The following MCC variants were observed in gnomAD, a reference collection of about 807,000 sequenced individuals.
The protein encoded by MCC is MCC regulator of Wnt signaling pathway.
Under a neutral mutation model 116.2 loss-of-function variants are expected in MCC, and 90 were observed. The observed-to-expected ratio is 0.77, with a 90% CI of 0.65 to 0.92. The LOEUF is 0.92. Among genes scored for constraint, MCC ranks in the 40% least tolerant of loss-of-function variants. The pLI, the probability that MCC is intolerant of heterozygous loss-of-function variation, is 0.00. For synonymous variants in MCC, 578 were observed against 510.5 expected (o/e 1.13, Z -1.78); for missense variants, 1,516 against 1,312.2 (o/e 1.16, Z -2.40).
At chr5:113,122,639 C>A in intron 6 of MCC, 45 bp downstream of exon 6, 1 of 1,601,114 alleles carries the variant, frequency 6.2e-7, no homozygotes, top group Non-Finnish European at 8.5e-7. Flanking sequence ...CTATTACAAT[C>A]CAGAAACCAA....
At chr5:113,231,571 G>C (rs574312) in intron 3 of MCC, among the ~76,000 whole-genome samples, 151,489 of 152,274 alleles carry the variant, frequency 0.99, 75,357 homozygotes, top group East Asian at 1. Context: ...GTTCCTACAG[G>C]CAAATATGTT....
chr5:113,277,789 G>A (rs1283482442), intron 3 of MCC, among the ~76,000 whole-genome samples: 1 of 152,158 alleles, frequency 6.6e-6, no homozygotes, highest in East Asian at 1.9e-4. Context: ...TGGAGAGACT[G>A]GAATAAACTA....
intron 17 of MCC, among the ~76,000 whole-genome samples, chr5:113,038,405 A>T (rs1185008069): frequency 1.3e-5 from 2 of 152,122 alleles, no homozygotes; most frequent in African/African-American, 4.8e-5. Context: ...ACTGAGGGTT[A>T]AGGAGGGGAG....
At chr5:113,157,713 G>A (rs1028504225) in intron 3 of MCC, among the ~76,000 whole-genome samples, 6 of 152,178 alleles carry the variant, frequency 3.9e-5, no homozygotes, top group African/African-American at 1.4e-4. Context: ...GAGTTACAGT[G>A]GTCTCCCCCT....
At chr5:113,052,470 G>C (rs1235839586) in intron 15 of MCC, among the ~76,000 whole-genome samples, 1 of 151,938 alleles carries the variant, frequency 6.6e-6, no homozygotes, top group Non-Finnish European at 1.5e-5. Flanking sequence ...TCATGGGGGT[G>C]GGGGTGGGAG....
At chr5:113,186,701 G>C (rs987806951) in intron 3 of MCC, among the ~76,000 whole-genome samples, 1 of 152,154 alleles carries the variant, frequency 6.6e-6, no homozygotes, top group African/African-American at 2.4e-5. Context: ...TTAGCCCTGG[G>C]ATGTCGAAAA....
At chr5:113,353,308 C>T (rs972114801) in intron 2 of MCC, among the ~76,000 whole-genome samples, 2 of 152,156 alleles carry the variant, frequency 1.3e-5, no homozygotes, top group African/African-American at 4.8e-5. Flanking sequence ...TCTGGGGGTT[C>T]ATGAGCACTA....
At chr5:113,429,674 T>A (rs1003587877) in intron 1 of MCC, among the ~76,000 whole-genome samples, 2 of 152,166 alleles carry the variant, frequency 1.3e-5, no homozygotes, top group Non-Finnish European at 2.9e-5. Context: ...TTTCAGGCCC[T>A]GGCTAGATCA....
At chr5:113,283,998 C>T (rs1392361797) in intron 3 of MCC, among the ~76,000 whole-genome samples, 3 of 152,278 alleles carry the variant, frequency 2.0e-5, no homozygotes, top group Non-Finnish European at 2.9e-5. Flanking sequence ...TTATGATTTT[C>T]TTAATAACAT....
chr5:113,084,262 A>C (rs1755051856), intron 9 of MCC, 72 bp from the exon 10 acceptor site: 1 of 1,162,406 alleles, frequency 8.6e-7, no homozygotes, highest in Non-Finnish European at 1.3e-6. Flanking sequence ...GACTACGCTT[A>C]TACAGGGCTA....
intron 2 of MCC, among the ~76,000 whole-genome samples, chr5:113,369,649 G>C (rs909602698): frequency 6.6e-6 from 1 of 151,952 alleles, no homozygotes; most frequent in Admixed American, 6.6e-5. Flanking sequence ...CCACCTTTGG[G>C]CTACATAACC....
At chr5:113,446,278 CA>C (rs1481181113) in intron 1 of MCC, among the ~76,000 whole-genome samples, 1 of 152,044 alleles carries the variant, frequency 6.6e-6, no homozygotes, top group Non-Finnish European at 1.5e-5. Flanking sequence ...AGCTTTTGTG[CA>C]GCAAAAGAAA....
intron 3 of MCC, among the ~76,000 whole-genome samples, chr5:113,282,372 C>A (rs1314375154): frequency 1.3e-5 from 2 of 152,176 alleles, no homozygotes; most frequent in African/African-American, 2.4e-5. Context: ...CAGCATCAGA[C>A]ACTTTCTTCA....
At chr5:113,164,211 G>T (rs1267729398) in intron 3 of MCC, among the ~76,000 whole-genome samples, 1 of 152,172 alleles carries the variant, frequency 6.6e-6, no homozygotes, top group East Asian at 1.9e-4. Flanking sequence ...CTGCCTGCAG[G>T]TGGTCACTAT....
chr5:113,186,142 C>A (rs1469444900), intron 3 of MCC, among the ~76,000 whole-genome samples: 1 of 152,126 alleles, frequency 6.6e-6, no homozygotes, highest in African/African-American at 2.4e-5. Flanking sequence ...CATGCCTGTG[C>A]GGCAATGGAT....
chr5:113,416,615 T>C (rs1235931146), intron 1 of MCC, among the ~76,000 whole-genome samples: 1 of 152,206 alleles, frequency 6.6e-6, no homozygotes, highest in Non-Finnish European at 1.5e-5. Context: ...CGCATGTTCA[T>C]GGACAACCAT....
rs572643936 is a variant in MCC at position 113,475,654 on chromosome 5, AAG to A, written c.170+12589_170+12590del. 1.4e-3 allele frequency among the ~76,000 whole-genome samples: 213 copies of A among 152,330 alleles called. 1 individual carries two copies. The highest frequency in any genetic ancestry group is 0.01 in the Middle Eastern group (3 of 294). ...AAAGAGATTTTTCAATTTATGGAAC[AAG>A]AGAGAGTCTCTCCAGCTGAGACTCC... is the stretch of plus-strand genomic sequence containing the variant. On this transcript the variant is annotated intron_variant, in intron 1 of 18. Coordinates refer to ENST00000408903, the MANE Select transcript of MCC (RefSeq NM_001085377.2).
At chr5:113,044,416 T>A (rs1222668953) in intron 16 of MCC, 1 of 849,640 alleles carries the variant, frequency 1.2e-6, no homozygotes, top group Non-Finnish European at 1.4e-6. Flanking sequence ...GTGCTCTACA[T>A]TCCATGCACA....
intron 8 of MCC, among the ~76,000 whole-genome samples, chr5:113,094,016 T>C (rs1428444579): frequency 1.3e-5 from 2 of 152,202 alleles, no homozygotes; most frequent in East Asian, 3.8e-4. Context: ...CTTAATGAGC[T>C]TCATGCAGTT....
Sources: gnomAD v4.1 joint callset for allele counts (sites outside exome capture counted in the v4.1 genomes callset) on GRCh38, gnomAD v4.1.1 for gene constraint, MANE v1.5 for transcripts, NCBI Gene and HGNC (gene_info 2026-07-23, HGNC 2026-07-21) for gene names.